Variants in GAREM1 observed in about 807,000 individuals in gnomAD.
The protein encoded by GAREM1 is GRB2-associated and regulator of MAPK protein 1.
GAREM1 carries 26 observed loss-of-function variants against 71.3 expected under a neutral mutation model. That is an observed-to-expected ratio of 0.36 (90% CI 0.27 to 0.51). The LOEUF is 0.51. Among genes scored for constraint, GAREM1 ranks in the 20% least tolerant of loss-of-function variants. GAREM1 has a pLI of 0.95. For synonymous variants in GAREM1, 440 were observed against 433.2 expected (o/e 1.02, Z -0.20); for missense variants, 1,026 against 1,103.1 (o/e 0.93, Z 0.99).
intron 2 of GAREM1, among the ~76,000 whole-genome samples, chr18:32,315,649 G>A (rs1267349507): frequency 1.3e-5 from 2 of 151,806 alleles, no homozygotes; most frequent in African/African-American, 4.8e-5. Context: ...AGCTCCATGT[G>A]GCTACTGGCT....
intron 1 of GAREM1, among the ~76,000 whole-genome samples, chr18:32,437,358 A>G (rs1295007807): frequency 6.6e-6 from 1 of 152,194 alleles, no homozygotes; most frequent in Non-Finnish European, 1.5e-5. Flanking sequence ...TGAGAGCTCA[A>G]GATACTACTC....
At chr18:32,281,652 A>G (rs1014130602) in intron 4 of GAREM1, among the ~76,000 whole-genome samples, 1 of 152,198 alleles carries the variant, frequency 6.6e-6, no homozygotes, top group Non-Finnish European at 1.5e-5. Context: ...ACCACTATCC[A>G]TAAGGGAATG....
At position 32,265,930 on chromosome 18, in the gene GAREM1, C is replaced by A. The variant is rs1447820545; in HGVS notation, c.*1941G>T. ...GAGAGGTTTACTTTACTAAGGGAGG[C>A]AGTCCCCCTCACACAGAAGGATGCT... On this transcript the variant is annotated 3_prime_UTR_variant, in exon 6 of 6. Coordinates refer to ENST00000269209, the MANE Select transcript of GAREM1 (RefSeq NM_001242409.2). 1 of 152,180 alleles carries A rather than the reference C, an allele frequency of 6.6e-6. No individual in the cohort carries two copies. The highest frequency in any genetic ancestry group is 1.5e-5 in the Non-Finnish European group (1 of 68,034). The allele number at this position is 152,180 out of a possible 1,614,324, so 9.4% of individuals were successfully genotyped here.
chr18:32,377,063 CACA>C (rs1217175557), intron 2 of GAREM1, among the ~76,000 whole-genome samples: 1 of 152,056 alleles, frequency 6.6e-6, no homozygotes, highest in Non-Finnish European at 1.5e-5. Flanking sequence ...GAAACTGAGG[CACA>C]AAAAACGTTA....
chr18:32,266,952 T>C lies in GAREM1; in HGVS notation c.*919A>G, dbSNP rs2041381923. ...CAAACTTAATTCTTCAATACAGGAT[T>C]CTTTACTGATTTGTTCTAAGTTTTC... is the stretch of plus-strand genomic sequence containing the variant. On this transcript the variant is annotated 3_prime_UTR_variant, in exon 6 of 6. Transcript: ENST00000269209. 1 of 152,202 alleles carries C rather than the reference T, an allele frequency of 6.6e-6. No individual in the cohort carries two copies. Among genetic ancestry groups the C allele is most frequent in the Admixed American group, 6.5e-5 (1 of 15,288 alleles). The allele number at this position is 152,202 out of a possible 1,614,324, so 9.4% of individuals were successfully genotyped here.
At position 32,270,290 on chromosome 18, in the gene GAREM1, C is replaced by A; in HGVS notation, c.1660G>T (p.Val554Phe). Residue 554 changes from valine to phenylalanine, a missense_variant, in exon 5 of 6, where the codon GTC (valine) becomes TTC (phenylalanine). By Grantham distance (50) the Val-to-Phe change is conservative. Transcript: ENST00000269209. ...STSPSIPPRT[V>F]KPARQQTRSP... ...CGAGTCTGTTGCCGCGCTGGCTTGA[C>A]TGTGCGAGGAGGGATGGAGGGACTG... is the stretch of plus-strand genomic sequence containing the variant. The A allele has an allele frequency of 6.2e-7, 1 of 1,613,998 alleles. No homozygotes were observed. The highest frequency in any genetic ancestry group is 1.6e-4 in the Middle Eastern group (1 of 6,062).
chr18:32,386,387 G>A (rs1462946972), intron 2 of GAREM1, among the ~76,000 whole-genome samples: 1 of 152,156 alleles, frequency 6.6e-6, no homozygotes, highest in Non-Finnish European at 1.5e-5. Context: ...ATAAATCCAG[G>A]TGCTTGCTGA....
At position 32,264,843 on chromosome 18, in the gene GAREM1, T is replaced by TGGG. The variant is rs1256210740; in HGVS notation, c.*3025_*3027dup. The TGGG allele has an allele frequency of 6.6e-6, 1 of 152,230 alleles. No individual in the cohort carries two copies. Among genetic ancestry groups the TGGG allele is most frequent in the Non-Finnish European group, 1.5e-5 (1 of 68,056 alleles). The allele number at this position is 152,230 out of a possible 1,614,324, so 9.4% of individuals were successfully genotyped here. A position where few individuals can be genotyped will look rare whatever the true frequency, so the allele number is the denominator to read the frequency against. On this transcript the variant is annotated 3_prime_UTR_variant, in exon 6 of 6. Transcript: ENST00000269209. ...GTTTATTGCTGATTTTCTTTTCTGA[T>TGGG]GGGGGCCATGATGATTTTTGCCATG...
intron 2 of GAREM1, among the ~76,000 whole-genome samples, chr18:32,380,031 A>C (rs1040323427): frequency 2.6e-5 from 4 of 152,172 alleles, no homozygotes; most frequent in Admixed American, 6.5e-5. Context: ...TTTGCAACTA[A>C]AGGGATTGCT....
At chr18:32,343,088 T>G (rs770234985) in intron 2 of GAREM1, among the ~76,000 whole-genome samples, 1 of 152,238 alleles carries the variant, frequency 6.6e-6, no homozygotes, top group African/African-American at 2.4e-5. Context: ...TAGGAACTGC[T>G]ATCTTCCCAA....
rs543958167 is a variant in GAREM1, at chr18:32,307,310, C to T, written c.393+2883G>A. ...TGGTTTATCCTTTTGGTTTAATTTA[C>T]GCTGTATCTGAAGTAGAAGAGAGAG... is the stretch of plus-strand genomic sequence containing the variant. On this transcript the variant is annotated intron_variant, in intron 3 of 5. Transcript: ENST00000269209. 3.3e-5 allele frequency among the ~76,000 whole-genome samples: 5 copies of T among 152,126 alleles called. No individual in the cohort carries two copies. The East Asian group carries it at 5.8e-4, about 18-fold the overall frequency.
chr18:32,456,405 C>A (rs193185651), intron 1 of GAREM1, among the ~76,000 whole-genome samples: 2 of 152,032 alleles, frequency 1.3e-5, no homozygotes, highest in African/African-American at 4.8e-5. Context: ...ATATCGATTA[C>A]GCTGGTGAAT....
chr18:32,276,710 C>T (rs1228261341), intron 4 of GAREM1, among the ~76,000 whole-genome samples: 1 of 152,072 alleles, frequency 6.6e-6, no homozygotes, highest in Non-Finnish European at 1.5e-5. Flanking sequence ...AACACTGGTA[C>T]CATTCATCAG....
intron 1 of GAREM1, among the ~76,000 whole-genome samples, chr18:32,439,271 T>C (rs1168898875): frequency 6.6e-6 from 1 of 152,100 alleles, no homozygotes; most frequent in Non-Finnish European, 1.5e-5. Context: ...TGAAGAATTA[T>C]AGAGAAAAGA....
chr18:32,372,812 G>C (rs1347248650), intron 2 of GAREM1, among the ~76,000 whole-genome samples: 3 of 152,228 alleles, frequency 2.0e-5, no homozygotes, highest in African/African-American at 7.2e-5. Flanking sequence ...GTAATACAGA[G>C]AAGGTGGCCC....
intron 2 of GAREM1, among the ~76,000 whole-genome samples, chr18:32,336,648 C>T (rs1489704640): frequency 6.6e-6 from 1 of 152,140 alleles, no homozygotes; most frequent in African/African-American, 2.4e-5. Context: ...TGGGCACCAA[C>T]AAAAGTTAAA....
At chr18:32,443,185 A>G (rs1013153236) in intron 1 of GAREM1, among the ~76,000 whole-genome samples, 1 of 152,190 alleles carries the variant, frequency 6.6e-6, no homozygotes, top group African/African-American at 2.4e-5. Flanking sequence ...TAAAACCATA[A>G]AACTCTTAGA....
chr18:32,355,125 A>T (rs985888937), intron 2 of GAREM1, among the ~76,000 whole-genome samples: 2 of 152,210 alleles, frequency 1.3e-5, no homozygotes, highest in African/African-American at 2.4e-5. Flanking sequence ...GTCAGGCCTA[A>T]ACTATGGTAT....
At chr18:32,370,971 T>G (rs946716317) in intron 2 of GAREM1, among the ~76,000 whole-genome samples, 3 of 152,144 alleles carry the variant, frequency 2.0e-5, no homozygotes, top group Non-Finnish European at 2.9e-5. Context: ...AAAGAAATTG[T>G]AGATGACCTC....
Sources: gnomAD v4.1 joint callset for allele counts (sites outside exome capture counted in the v4.1 genomes callset) on GRCh38, gnomAD v4.1.1 for gene constraint, MANE v1.5 for transcripts, NCBI Gene and HGNC (gene_info 2026-07-23, HGNC 2026-07-21) for gene names.